UNC5C: variants seen among roughly 807,000 people sequenced by gnomAD.
UNC5C encodes the protein netrin receptor UNC5C.
Under a neutral mutation model 99.8 loss-of-function variants are expected in UNC5C, and 47 were observed. The observed-to-expected ratio is 0.47, with a 90% CI of 0.37 to 0.60. The LOEUF is 0.60. Among genes scored for constraint, UNC5C ranks in the 20% least tolerant of loss-of-function variants. The pLI, the probability that UNC5C is intolerant of heterozygous loss-of-function variation, is 0.00. For synonymous variants in UNC5C, 487 were observed against 452.2 expected (o/e 1.08, Z -0.98); for missense variants, 1,062 against 1,165.9 (o/e 0.91, Z 1.30).
rs1475644635 is a variant in UNC5C, at chr4:95,461,476, A to G, written c.124+87258T>C. Among the ~76,000 whole-genome samples the G allele has an allele frequency of 2.1e-5, 2 of 97,550 alleles. 1 individual carries two copies. The highest frequency in any genetic ancestry group is 1.0e-4 in the African/African-American group (2 of 19,700). The allele number at this position is 97,550 out of a possible 152,430, so 64.0% of individuals were successfully genotyped here. ...TTATTGTTGGCTTGTCTAAAATACA[A>G]TTACAATCCAAACAAGAGAATCAAG... On this transcript the variant is annotated intron_variant, in intron 1 of 15. Coordinates refer to ENST00000453304, the MANE Select transcript of UNC5C (RefSeq NM_003728.4).
chr4:95,170,761 A>C (rs1169362814), intron 14 of UNC5C, among the ~76,000 whole-genome samples: 6 of 152,256 alleles, frequency 3.9e-5, no homozygotes, highest in African/African-American at 1.4e-4. Context: ...GGCTTCTGGA[A>C]ACAGCCTGAC....
In UNC5C at chr4:95,287,243, A is replaced by G. The variant is rs1033512119; in HGVS notation, c.491-8881T>C. On this transcript the variant is annotated intron_variant, in intron 3 of 15. Transcript: ENST00000453304. Reference sequence around the variant, plus strand: ...CTTATACTCCTTTACCTACTTTCAGAAGGAATGTTAGGCCATAAATGTGGG... The same window carrying G: ...CTTATACTCCTTTACCTACTTTCAGGAGGAATGTTAGGCCATAAATGTGGG... Among the ~76,000 whole-genome samples the G allele has an allele frequency of 2.6e-5, 4 of 152,334 alleles. No homozygotes were observed. In the South Asian group the frequency reaches 6.2e-4, roughly 24 times the overall value.
chr4:95,346,110 A>G (rs1262673674), intron 1 of UNC5C, among the ~76,000 whole-genome samples: 1 of 151,886 alleles, frequency 6.6e-6, no homozygotes, highest in Non-Finnish European at 1.5e-5. Context: ...ATTACACCTG[A>G]TACTATAGAA....
At chr4:95,503,694 T>A (rs957400668) in intron 1 of UNC5C, among the ~76,000 whole-genome samples, 3 of 152,296 alleles carry the variant, frequency 2.0e-5, no homozygotes, top group Middle Eastern at 6.8e-3. Flanking sequence ...ATGCTTTATG[T>A]ACTTTTTATT....
At chr4:95,199,652 TTG>T (rs1737574348) in intron 12 of UNC5C, among the ~76,000 whole-genome samples, 1 of 152,182 alleles carries the variant, frequency 6.6e-6, no homozygotes, top group Non-Finnish European at 1.5e-5. Context: ...TTGCATGTAT[TTG>T]TGTGTGTTTA....
Position 95,179,617 on chromosome 4 carries a change from T to C in UNC5C, c.2451+3280A>G, listed in dbSNP as rs112734454. Among the ~76,000 whole-genome samples, 39 of 151,972 alleles carry C rather than the reference T, an allele frequency of 2.6e-4. 1 individual carries two copies. The highest frequency in any genetic ancestry group is 6.5e-4 in the African/African-American group (27 of 41,460). On this transcript the variant is annotated intron_variant, in intron 14 of 15. Coordinates refer to ENST00000453304, the MANE Select transcript of UNC5C (RefSeq NM_003728.4). ...CAAAAATCAGCTGGGTGTGGTGGCA[T>C]ATGCCTGTGATCCCAGCTACTCAGG... is the stretch of plus-strand genomic sequence containing the variant.
chr4:95,515,522 C>A lies in UNC5C; in HGVS notation c.124+33212G>T, dbSNP rs567416615. Among the ~76,000 whole-genome samples, 4 of 152,258 alleles carry A rather than the reference C, an allele frequency of 2.6e-5. No individual in the cohort carries two copies. In the South Asian group the frequency reaches 8.3e-4, roughly 32 times the overall value. On this transcript the variant is annotated intron_variant, in intron 1 of 15. Transcript: ENST00000453304. ...AACGTATTAGGTTTTCCTTAGTGAG[C>A]CTCAGTTTTTGTTAGCTGAGGAAAA...
At chr4:95,332,685 C>A (rs1179369941) in intron 2 of UNC5C, among the ~76,000 whole-genome samples, 15 of 148,610 alleles carry the variant, frequency 1.0e-4, no homozygotes, top group Non-Finnish European at 2.1e-4. Flanking sequence ...TCTAAAACAC[C>A]AAAAGCAATG....
intron 1 of UNC5C, among the ~76,000 whole-genome samples, chr4:95,418,599 T>C (rs1746234045): frequency 6.6e-6 from 1 of 152,200 alleles, no homozygotes; most frequent in Admixed American, 6.5e-5. Context: ...TTTACTATAA[T>C]AACATGAATA....
Position 95,167,190 on chromosome 4 carries a change from C to T in UNC5C, c.*2044G>A, listed in dbSNP as rs1342625545. 6.6e-6 allele frequency: 1 copy of T among 152,184 alleles called. No homozygotes were observed. Among genetic ancestry groups the T allele is most frequent in the African/African-American group, 2.4e-5 (1 of 41,436 alleles). The allele number at this position is 152,184 out of a possible 1,614,324, so 9.4% of individuals were successfully genotyped here. ...CAAGTCTGTTCAGCAACTTGTGTGCCTCCAGCCTAAAAGTAAACCACAGTC... is the reference window on the plus strand; with the variant it reads ...CAAGTCTGTTCAGCAACTTGTGTGCTTCCAGCCTAAAAGTAAACCACAGTC... On this transcript the variant is annotated 3_prime_UTR_variant, in exon 16 of 16. Transcript: ENST00000453304.
intron 7 of UNC5C, among the ~76,000 whole-genome samples, chr4:95,234,582 T>G (rs1369139465): frequency 6.6e-6 from 1 of 152,204 alleles, no homozygotes; most frequent in South Asian, 2.1e-4. Context: ...CAATTAAGTA[T>G]GTGCTTATGA....
chr4:95,448,223 T>TGAGAGA lies in UNC5C; in HGVS notation c.124+100510_124+100511insTCTCTC, dbSNP rs1355886184. ...CTCTGTGTGTGTGTGTGTGTGTGTG[T>TGAGAGA]GTGTGAGAGAGAGAGAGAGAGAGAG... On this transcript the variant is annotated intron_variant, in intron 1 of 15. Transcript: ENST00000453304. 1.5e-4 allele frequency among the ~76,000 whole-genome samples: 16 copies of TGAGAGA among 108,052 alleles called. 1 individual carries two copies. The highest frequency in any genetic ancestry group is 4.7e-4 in the African/African-American group (13 of 27,384). 70.9% of individuals were successfully genotyped at this position (108,052 alleles called of 152,430 possible). A position where few individuals can be genotyped will look rare whatever the true frequency, so the allele number is the denominator to read the frequency against.
intron 4 of UNC5C, among the ~76,000 whole-genome samples, chr4:95,274,950 C>G (rs1055616689): frequency 6.6e-6 from 1 of 151,922 alleles, no homozygotes; most frequent in African/African-American, 2.4e-5. Context: ...TGCTTGAACC[C>G]GGGAGGTGGA....
intron 1 of UNC5C, among the ~76,000 whole-genome samples, chr4:95,477,759 C>T (rs1387911099): frequency 6.6e-6 from 1 of 152,052 alleles, no homozygotes; most frequent in Non-Finnish European, 1.5e-5. Context: ...TCATGAAGAG[C>T]CATCTAGACA....
At chr4:95,468,292 C>T (rs1747860853) in intron 1 of UNC5C, among the ~76,000 whole-genome samples, 1 of 152,040 alleles carries the variant, frequency 6.6e-6, no homozygotes, top group Non-Finnish European at 1.5e-5. Context: ...TGTCTAATAT[C>T]AACTTATTTT....
chr4:95,474,841 G>T (rs977154345), intron 1 of UNC5C, among the ~76,000 whole-genome samples: 3 of 152,038 alleles, frequency 2.0e-5, no homozygotes, highest in Non-Finnish European at 4.4e-5. Context: ...CCTGTCTTGT[G>T]CTGTCTTCCA....
intron 1 of UNC5C, among the ~76,000 whole-genome samples, chr4:95,515,439 C>T (rs1722186334): frequency 6.6e-6 from 1 of 152,152 alleles, no homozygotes; most frequent in African/African-American, 2.4e-5. Context: ...AATGAAATCC[C>T]AATGGCAGAA....
intron 1 of UNC5C, among the ~76,000 whole-genome samples, chr4:95,514,755 C>T (rs1257169791): frequency 6.6e-6 from 1 of 151,762 alleles, no homozygotes; most frequent in Non-Finnish European, 1.5e-5. Context: ...TCACTGCAAC[C>T]TCTGCCTCCT....
chr4:95,347,587 A>C (rs766016819), intron 1 of UNC5C, among the ~76,000 whole-genome samples: 2 of 151,970 alleles, frequency 1.3e-5, no homozygotes, highest in Non-Finnish European at 2.9e-5. Context: ...AGAATAACAA[A>C]CCCAGAAACA....
Sources: allele counts gnomAD v4.1 joint callset (sites outside exome capture counted in the v4.1 genomes callset), GRCh38; gene constraint gnomAD v4.1.1; transcripts MANE v1.5; gene names NCBI Gene and HGNC (gene_info 2026-07-23, HGNC 2026-07-21).